Variants in CCDC178 observed in about 807,000 individuals in gnomAD.
CCDC178 encodes coiled-coil domain containing 178.
In CCDC178, 126 loss-of-function variants were observed where a neutral mutation model predicts 117.4. That is an observed-to-expected ratio of 1.07 (90% CI 0.93 to 1.24). The LOEUF (loss-of-function observed/expected upper bound fraction) is 1.24, where lower values mean the gene tolerates loss of function less well. CCDC178 is among the 50% of genes most tolerant of loss of function. CCDC178 has a pLI of 0.00. For synonymous variants in CCDC178, 283 were observed against 313.4 expected, an observed-to-expected ratio of 0.90 and a Z score of 1.02; for missense variants, 1,030 against 986.9, an observed-to-expected ratio of 1.04 and a Z score of -0.59.
chr18:33,374,540 T>C (rs1374280441), intron 5 of CCDC178, among the ~76,000 whole-genome samples: 1 of 152,198 alleles, frequency 6.6e-6, no homozygotes, highest in Non-Finnish European at 1.5e-5. Flanking sequence ...CTAGTGGAAA[T>C]GTAAAATTGT....
intron 21 of CCDC178, among the ~76,000 whole-genome samples, chr18:33,020,764 CT>C (rs796401533): frequency 1.8e-4 from 27 of 149,022 alleles, no homozygotes; most frequent in East Asian, 5.9e-4. Context: ...GACAAACAAC[CT>C]TTTTTTTTTC....
At chr18:33,053,604 G>A (rs989328108) in intron 21 of CCDC178, among the ~76,000 whole-genome samples, 1 of 152,170 alleles carries the variant, frequency 6.6e-6, no homozygotes, top group African/African-American at 2.4e-5. Flanking sequence ...AACATTTACT[G>A]ATAATATATT....
At chr18:33,303,550 G>A (rs2062207918) in intron 11 of CCDC178, among the ~76,000 whole-genome samples, 1 of 152,102 alleles carries the variant, frequency 6.6e-6, no homozygotes, top group Non-Finnish European at 1.5e-5. Context: ...CCACTTGGAT[G>A]TGGGATGTTT....
chr18:33,279,931 C>T (rs1327354895), intron 12 of CCDC178, among the ~76,000 whole-genome samples: 1 of 152,066 alleles, frequency 6.6e-6, no homozygotes, highest in Non-Finnish European at 1.5e-5. Context: ...CCCTTCCTTA[C>T]ACCTTATACA....
Position 33,092,794 on chromosome 18 carries a change from T to C in CCDC178, c.2355A>G (p.Leu785=), listed in dbSNP as rs2145074631. Residue 785 remains leucine, a synonymous_variant, in exon 21 of 23, where the codon CTA becomes CTG. Coordinates refer to ENST00000383096, the MANE Select transcript of CCDC178 (RefSeq NM_001105528.4). ...TATCTCTAATTGAAGTATCAAGTGA[T>C]AGCTGTTTATCATATATATTGAAAT... The part of the protein sequence containing the change: ...DNYFNIYDKQ[L]SLDTSIRDKK... The C allele has an allele frequency of 1.3e-6, 2 of 1,538,996 alleles. No homozygotes were observed. The highest frequency in any genetic ancestry group is 1.8e-6 in the Non-Finnish European group (2 of 1,125,498).
intron 14 of CCDC178, among the ~76,000 whole-genome samples, chr18:33,251,987 G>C (rs1224585214): frequency 6.6e-6 from 1 of 151,756 alleles, no homozygotes; most frequent in African/African-American, 2.4e-5. Context: ...TGTAAGAAGG[G>C]AAAGAAGGAC....
rs2059994457 is a variant in CCDC178 at position 33,279,481 on chromosome 18, T to C, written c.1177-12184A>G. ...TACAAACAAATGGAAGAACATTCCA[T>C]GCTCATGGGTAGGAAGAATCAATAT... is the stretch of plus-strand genomic sequence containing the variant. On this transcript the variant is annotated intron_variant, in intron 12 of 22. Coordinates refer to ENST00000383096, the MANE Select transcript of CCDC178 (RefSeq NM_001105528.4). Among the ~76,000 whole-genome samples, 4 of 152,228 alleles carry C rather than the reference T, an allele frequency of 2.6e-5. No homozygotes were observed. The South Asian group carries it at 8.3e-4, about 31-fold the overall frequency.
At chr18:33,060,639 C>T (rs1408497547) in intron 21 of CCDC178, among the ~76,000 whole-genome samples, 2 of 151,914 alleles carry the variant, frequency 1.3e-5, no homozygotes, top group African/African-American at 4.8e-5. Context: ...TTGGTGAATA[C>T]AGTGAATCTG....
chr18:33,064,472 C>G (rs9960272), intron 21 of CCDC178, among the ~76,000 whole-genome samples: 2,170 of 152,276 alleles, frequency 0.014, 55 homozygotes, highest in African/African-American at 0.049. Flanking sequence ...AACTTGAAGA[C>G]AGATCTTTTG....
intron 20 of CCDC178, among the ~76,000 whole-genome samples, chr18:33,156,595 A>C: frequency 8.0e-6 from 1 of 124,380 alleles, no homozygotes; most frequent in East Asian, 2.5e-4. Context: ...AAGAGCTCTT[A>C]TTTTCTCCAT....
intron 20 of CCDC178, among the ~76,000 whole-genome samples, chr18:33,181,194 C>T (rs1456223376): frequency 6.6e-6 from 1 of 151,912 alleles, no homozygotes; most frequent in Non-Finnish European, 1.5e-5. Flanking sequence ...CAATAAAGAA[C>T]TTCATCCTGT....
chr18:33,143,611 A>G (rs1055883548), intron 20 of CCDC178, among the ~76,000 whole-genome samples: 1 of 152,114 alleles, frequency 6.6e-6, no homozygotes, highest in Admixed American at 6.5e-5. Flanking sequence ...TAATATTATT[A>G]TATAGAGATA....
intron 18 of CCDC178, among the ~76,000 whole-genome samples, chr18:33,220,668 G>A (rs1771416384): frequency 1.3e-5 from 2 of 152,082 alleles, no homozygotes; most frequent in South Asian, 4.1e-4. Context: ...GATCTGAGCC[G>A]TGTGTTTGCC....
chr18:33,093,943 ATTGT>A (rs1036852378), intron 20 of CCDC178, among the ~76,000 whole-genome samples: 6 of 152,076 alleles, frequency 3.9e-5, no homozygotes, highest in African/African-American at 1.4e-4. Flanking sequence ...AGCAATTAAA[ATTGT>A]TTCTTTGTGA....
At chr18:33,330,481 G>T (rs1410850395) in intron 10 of CCDC178, among the ~76,000 whole-genome samples, 1 of 152,138 alleles carries the variant, frequency 6.6e-6, no homozygotes, top group Non-Finnish European at 1.5e-5. Flanking sequence ...TGACTTAAAA[G>T]CAGGTAAGCA....
chr18:32,962,609 G>GAT (rs1245731600), intron 22 of CCDC178, among the ~76,000 whole-genome samples: 2 of 151,888 alleles, frequency 1.3e-5, no homozygotes, highest in Non-Finnish European at 2.9e-5. Context: ...CATTTTTTCT[G>GAT]ATAAGATGTT....
chr18:33,193,615 T>C (rs2058889764), intron 20 of CCDC178, among the ~76,000 whole-genome samples: 1 of 152,186 alleles, frequency 6.6e-6, no homozygotes, highest in South Asian at 2.1e-4. Context: ...CCGGATCAGT[T>C]CAAGGAAGTA....
chr18:33,397,212 T>A lies in CCDC178; in HGVS notation c.59-4A>T. The A allele has an allele frequency of 6.3e-7, 1 of 1,594,874 alleles. No individual in the cohort carries two copies. Among genetic ancestry groups the A allele is most frequent in the South Asian group, 1.1e-5 (1 of 89,830 alleles). ...TTTACTTCCTGACATGTTAAACCTA[T>A]AAAAGGTAAAATAAAACAAAATAAA... On this transcript the variant is annotated splice_polypyrimidine_tract_variant and splice_region_variant and intron_variant, in intron 3 of 22. Transcript: ENST00000383096.
chr18:33,059,235 A>G (rs1018304829), intron 21 of CCDC178, among the ~76,000 whole-genome samples: 2 of 152,158 alleles, frequency 1.3e-5, no homozygotes, highest in East Asian at 1.9e-4. Context: ...GAGGCAGAAC[A>G]TCTATTTAGG....
Sources: gnomAD v4.1 joint callset for allele counts (sites outside exome capture counted in the v4.1 genomes callset) on GRCh38, gnomAD v4.1.1 for gene constraint, MANE v1.5 for transcripts, NCBI Gene and HGNC (gene_info 2026-07-23, HGNC 2026-07-21) for gene names.